The following TPST1 variants were observed in gnomAD, a reference collection of about 807,000 sequenced individuals.
TPST1 encodes protein-tyrosine sulfotransferase 1.
A neutral mutation model predicts 34.8 loss-of-function variants in TPST1; 20 were observed. The ratio of observed to expected loss-of-function variants is 0.57; its 90% CI spans 0.40 to 0.84. The LOEUF is 0.84. Ranked by LOEUF, TPST1 falls within the 40% of genes least tolerant of loss-of-function variation. TPST1 has a pLI of 0.00. For missense variants in TPST1, 353 were observed against 455.5 expected (o/e 0.78, Z 2.05); for synonymous variants, 152 against 159.4 (o/e 0.95, Z 0.35).
At chr7:66,334,362 G>A (rs1427402280) in intron 3 of TPST1, among the ~76,000 whole-genome samples, 1 of 152,068 alleles carries the variant, frequency 6.6e-6, no homozygotes, top group African/African-American at 2.4e-5. Context: ...CAGGCTGGGC[G>A]CGGTGGCTCA....
At chr7:66,352,802 T>C in intron 4 of TPST1, 1 of 985,434 alleles carries the variant, frequency 1.0e-6, no homozygotes, top group Non-Finnish European at 1.2e-6. Flanking sequence ...AATACTTTAT[T>C]GATAACCAAA....
At chr7:66,349,026 G>A (rs1792414551) in intron 3 of TPST1, among the ~76,000 whole-genome samples, 1 of 151,932 alleles carries the variant, frequency 6.6e-6, no homozygotes, top group South Asian at 2.1e-4. Flanking sequence ...CATATTTCCT[G>A]TTATGCCTTA....
At chr7:66,345,230 C>T (rs1792321844) in intron 3 of TPST1, among the ~76,000 whole-genome samples, 1 of 151,372 alleles carries the variant, frequency 6.6e-6, no homozygotes, top group African/African-American at 2.4e-5. Context: ...GGTGCGGTGG[C>T]TCACACCTGT....
chr7:66,269,408 A>G (rs1790654003), intron 2 of TPST1, among the ~76,000 whole-genome samples: 1 of 152,226 alleles, frequency 6.6e-6, no homozygotes, highest in Non-Finnish European at 1.5e-5. Context: ...TTATGACCAA[A>G]TAGTTTTTAT....
chr7:66,342,784 T>G (rs1426671718), intron 3 of TPST1, among the ~76,000 whole-genome samples: 2 of 152,186 alleles, frequency 1.3e-5, no homozygotes, highest in African/African-American at 4.8e-5. Context: ...TGAACTATAG[T>G]TATAGAGTAA....
chr7:66,317,920 A>T (rs1791667391), intron 3 of TPST1, among the ~76,000 whole-genome samples: 2 of 152,170 alleles, frequency 1.3e-5, no homozygotes, highest in South Asian at 4.1e-4. Flanking sequence ...TCACTTTGGG[A>T]GGCCAAAGCG....
At chr7:66,349,512 T>C (rs1792426460) in intron 3 of TPST1, among the ~76,000 whole-genome samples, 1 of 152,036 alleles carries the variant, frequency 6.6e-6, no homozygotes, top group South Asian at 2.1e-4. Flanking sequence ...GCAGAGGTTG[T>C]GGTGAGCCAA....
At chr7:66,303,351 T>C (rs948728009) in intron 3 of TPST1, among the ~76,000 whole-genome samples, 1 of 135,586 alleles carries the variant, frequency 7.4e-6, no homozygotes, top group South Asian at 2.3e-4. Context: ...ATATGGTCAG[T>C]GTTATGTTTT....
chr7:66,209,712 T>G (rs1340560566), intron 1 of TPST1, among the ~76,000 whole-genome samples: 1 of 152,234 alleles, frequency 6.6e-6, no homozygotes, highest in Non-Finnish European at 1.5e-5. Context: ...TTTACTTGTT[T>G]ACATGTCTTT....
chr7:66,215,586 G>A (rs1273427069), intron 1 of TPST1, among the ~76,000 whole-genome samples: 2 of 151,676 alleles, frequency 1.3e-5, no homozygotes, highest in African/African-American at 4.8e-5. Context: ...ATGTTAGCCA[G>A]GATGGTCTCG....
At chr7:66,228,582 A>G (rs1374939812) in intron 1 of TPST1, among the ~76,000 whole-genome samples, 1 of 152,222 alleles carries the variant, frequency 6.6e-6, no homozygotes, top group Non-Finnish European at 1.5e-5. Flanking sequence ...GAAATCAACC[A>G]TATTGGATCC....
chr7:66,339,821 T>C (rs1165946159), intron 3 of TPST1, among the ~76,000 whole-genome samples: 1 of 112,706 alleles, frequency 8.9e-6, no homozygotes, highest in Admixed American at 1.0e-4. Flanking sequence ...CCAGCACATG[T>C]ACCCCTCAAC....
chr7:66,295,768 A>C (rs1016069000), intron 3 of TPST1, among the ~76,000 whole-genome samples: 1 of 152,000 alleles, frequency 6.6e-6, no homozygotes, highest in African/African-American at 2.4e-5. Flanking sequence ...CTCAGGTGGG[A>C]TTATAGGCAC....
At chr7:66,237,529 C>G (rs1789935233) in intron 1 of TPST1, among the ~76,000 whole-genome samples, 1 of 152,034 alleles carries the variant, frequency 6.6e-6, no homozygotes, top group African/African-American at 2.4e-5. Context: ...TAGTCATTTC[C>G]CCAGGTATAT....
chr7:66,215,261 G>A (rs13225672), intron 1 of TPST1, among the ~76,000 whole-genome samples: 95,909 of 148,904 alleles, frequency 0.64, 31,336 homozygotes, highest in African/African-American at 0.74. Flanking sequence ...CACCATGTTG[G>A]CCAGGATGGT....
intron 1 of TPST1, among the ~76,000 whole-genome samples, chr7:66,213,582 C>T (rs1470737273): frequency 2.0e-5 from 3 of 152,062 alleles, no homozygotes; most frequent in East Asian, 3.9e-4. Flanking sequence ...GGTGAAACCT[C>T]GTCTCTACTA....
In TPST1 at chr7:66,258,777, G is replaced by A. The variant is rs1051044313; in HGVS notation, c.845+17507G>A. Among the ~76,000 whole-genome samples the A allele has an allele frequency of 4.0e-4, 61 of 152,184 alleles. 1 individual carries two copies. The highest frequency in any genetic ancestry group is 4.0e-3 in the Admixed American group (61 of 15,274). On this transcript the variant is annotated intron_variant, in intron 2 of 5. Coordinates refer to ENST00000304842, the MANE Select transcript of TPST1 (RefSeq NM_003596.4). ...TTCTTACGCTCCTTAGACCACTGTGGTCTTTCCCAATTATTTTTGCCTGAA... is the reference window on the plus strand; with the variant it reads ...TTCTTACGCTCCTTAGACCACTGTGATCTTTCCCAATTATTTTTGCCTGAA...
chr7:66,257,725 C>T (rs1411251715), intron 2 of TPST1, among the ~76,000 whole-genome samples: 1 of 152,166 alleles, frequency 6.6e-6, no homozygotes, highest in African/African-American at 2.4e-5. Flanking sequence ...CCCTTCTTTA[C>T]TTTGTGATCT....
At chr7:66,204,179 A>T (rs1789073343), upstream of TPST1, among the ~76,000 whole-genome samples, 1 of 152,182 alleles carries the variant, frequency 6.6e-6, no homozygotes, top group Non-Finnish European at 1.5e-5. Flanking sequence ...TCTTCAAAAA[A>T]AAAAAAGGTG....
Sources: allele counts gnomAD v4.1 joint callset (sites outside exome capture counted in the v4.1 genomes callset), GRCh38; gene constraint gnomAD v4.1.1; transcripts MANE v1.5; gene names NCBI Gene and HGNC (gene_info 2026-07-23, HGNC 2026-07-21).